PDE4B: variants seen among roughly 807,000 people sequenced by gnomAD.
PDE4B encodes the protein phosphodiesterase 4B, also known as 3',5'-cyclic-AMP phosphodiesterase 4B.
PDE4B carries 20 observed loss-of-function variants against 82.2 expected under a neutral mutation model. The observed-to-expected ratio is 0.24, with a 90% confidence interval of 0.17 to 0.35. The LOEUF (loss-of-function observed/expected upper bound fraction) is 0.35. Ranked by LOEUF, PDE4B falls within the 10% of genes least tolerant of loss-of-function variation. PDE4B has a pLI of 1.00. For synonymous variants in PDE4B, 320 were observed against 318.9 expected, an observed-to-expected ratio of 1.00 and a Z score of -0.04; for missense variants, 655 against 907.2, an observed-to-expected ratio of 0.72 and a Z score of 3.57.
Position 65,794,182 on chromosome 1 carries a change from G to T in PDE4B, c.-71+934G>T, listed in dbSNP as rs575937978. 2.6e-5 allele frequency among the ~76,000 whole-genome samples: 4 copies of T among 152,168 alleles called. No individual in the cohort carries two copies. In the South Asian group the frequency reaches 6.2e-4, roughly 24 times the overall value. On this transcript the variant is annotated intron_variant, in intron 1 of 16. Transcript: ENST00000341517. ...TTATATGATGCCACTGAACAGAAAT[G>T]GTAACTCTATGCATTCTGCATCTTA...
At chr1:66,271,135 C>G (rs948057188) in intron 7 of PDE4B, among the ~76,000 whole-genome samples, 2 of 152,238 alleles carry the variant, frequency 1.3e-5, no homozygotes, top group Non-Finnish European at 1.5e-5. Flanking sequence ...CTCGCAAAAA[C>G]ATTAATACCT....
chr1:66,098,892 A>G (rs1459033141), intron 3 of PDE4B, among the ~76,000 whole-genome samples: 2 of 152,156 alleles, frequency 1.3e-5, no homozygotes, highest in African/African-American at 4.8e-5. Context: ...CTGGTAACAC[A>G]TGCACACACA....
chr1:66,027,340 G>A (rs573199000), intron 3 of PDE4B, among the ~76,000 whole-genome samples: 4 of 152,212 alleles, frequency 2.6e-5, no homozygotes, highest in East Asian at 3.9e-4. Context: ...AGAGTAGCAC[G>A]GGAAAGACTG....
chr1:66,360,158 G>C (rs1286617714), intron 9 of PDE4B, among the ~76,000 whole-genome samples: 1 of 152,096 alleles, frequency 6.6e-6, no homozygotes, highest in East Asian at 1.9e-4. Context: ...TGCTGGACTA[G>C]GTTGGAAACC....
At chr1:65,948,703 A>G (rs1648840250) in intron 3 of PDE4B, among the ~76,000 whole-genome samples, 1 of 152,082 alleles carries the variant, frequency 6.6e-6, no homozygotes, top group Admixed American at 6.6e-5. Context: ...ATTAACTATC[A>G]CAGGCAATGA....
At chr1:66,330,370 C>A (rs1160915630) in intron 7 of PDE4B, among the ~76,000 whole-genome samples, 1 of 91,926 alleles carries the variant, frequency 1.1e-5, no homozygotes, top group Non-Finnish European at 2.3e-5. Flanking sequence ...TTTGAAGAGT[C>A]CTTCTCTTTT....
At chr1:66,189,554 ACTTCT>A (rs777940557) in intron 3 of PDE4B, among the ~76,000 whole-genome samples, 2 of 151,586 alleles carry the variant, frequency 1.3e-5, no homozygotes, top group Non-Finnish European at 2.9e-5. Context: ...TTTTCTCTAT[ACTTCT>A]CTTCTCGCTT....
intron 3 of PDE4B, among the ~76,000 whole-genome samples, chr1:66,004,898 C>G (rs1652064167): frequency 6.6e-6 from 1 of 151,850 alleles, no homozygotes; most frequent in Admixed American, 6.6e-5. Flanking sequence ...TTGGGAGCAT[C>G]AACTTCCTCA....
At chr1:66,251,848 C>A (rs182797508) in intron 4 of PDE4B, among the ~76,000 whole-genome samples, 70 of 152,254 alleles carry the variant, frequency 4.6e-4, no homozygotes, top group Admixed American at 1.6e-3. Context: ...GGAACCTCAT[C>A]ATGAAGGGCC....
At chr1:66,332,391 T>G in intron 7 of PDE4B, 117 bp from the exon 8 acceptor site, 1 of 1,613,808 alleles carries the variant, frequency 6.2e-7, no homozygotes, top group South Asian at 1.1e-5. Context: ...GTGCAAATAA[T>G]GAAGGAGCAC....
At chr1:66,106,805 T>G (rs1230500344) in intron 3 of PDE4B, among the ~76,000 whole-genome samples, 1 of 126,462 alleles carries the variant, frequency 7.9e-6, no homozygotes, top group Non-Finnish European at 1.8e-5. Flanking sequence ...CATTTTTTAT[T>G]GCATCTATTT....
chr1:65,922,226 A>G (rs1486246465), intron 3 of PDE4B, among the ~76,000 whole-genome samples: 1 of 152,212 alleles, frequency 6.6e-6, no homozygotes, highest in African/African-American at 2.4e-5. Flanking sequence ...TGGAGATTAC[A>G]ATACCTACAC....
intron 3 of PDE4B, among the ~76,000 whole-genome samples, chr1:66,140,699 G>A (rs965175955): frequency 1.3e-5 from 2 of 152,182 alleles, no homozygotes; most frequent in African/African-American, 4.8e-5. Flanking sequence ...GAGGATAAGA[G>A]GGTATTATTT....
intron 1 of PDE4B, among the ~76,000 whole-genome samples, chr1:65,802,962 AT>A (rs1401492122): frequency 2.0e-5 from 3 of 152,146 alleles, no homozygotes; most frequent in Non-Finnish European, 4.4e-5. Flanking sequence ...TTATTTATTT[AT>A]AAAATGTATT....
intron 3 of PDE4B, among the ~76,000 whole-genome samples, chr1:66,000,535 G>A (rs1651809387): frequency 1.3e-5 from 2 of 152,244 alleles, no homozygotes; most frequent in Non-Finnish European, 2.9e-5. Context: ...CCTGAACTAG[G>A]AGGTTGGGGA....
chr1:66,150,568 T>G (rs973529877), intron 3 of PDE4B, among the ~76,000 whole-genome samples: 5 of 152,190 alleles, frequency 3.3e-5, no homozygotes, highest in Non-Finnish European at 7.3e-5. Context: ...ATCTTCAATA[T>G]AATGTTGAAA....
intron 1 of PDE4B, among the ~76,000 whole-genome samples, chr1:65,795,465 G>T (rs1329116760): frequency 6.6e-6 from 1 of 152,224 alleles, no homozygotes; most frequent in African/African-American, 2.4e-5. Context: ...CCACCATGTG[G>T]TAATACAGTG....
At chr1:66,023,827 T>C (rs1653282333) in intron 3 of PDE4B, among the ~76,000 whole-genome samples, 1 of 151,628 alleles carries the variant, frequency 6.6e-6, no homozygotes, top group Non-Finnish European at 1.5e-5. Flanking sequence ...ATAAAGGATC[T>C]GTGTTGGGTA....
intron 3 of PDE4B, among the ~76,000 whole-genome samples, chr1:66,146,219 T>A (rs1167302181): frequency 3.0e-5 from 4 of 134,488 alleles, no homozygotes; most frequent in Non-Finnish European, 6.2e-5. Flanking sequence ...AGTCTCACTC[T>A]GTCCCCCAAA....
Sources: gnomAD v4.1 joint callset for allele counts (sites outside exome capture counted in the v4.1 genomes callset) on GRCh38, gnomAD v4.1.1 for gene constraint, MANE v1.5 for transcripts, NCBI Gene and HGNC (gene_info 2026-07-23, HGNC 2026-07-21) for gene names.